KCTD16: variants seen among roughly 807,000 people sequenced by gnomAD.
The protein encoded by KCTD16 is BTB/POZ domain-containing protein KCTD16.
In KCTD16, 13 loss-of-function variants were observed where a neutral mutation model predicts 33.2. That is an observed-to-expected ratio of 0.39 (90% confidence interval 0.25 to 0.62). KCTD16 has a LOEUF of 0.62. KCTD16 is among the 20% of genes least tolerant of loss of function. The pLI, the probability that KCTD16 is intolerant of heterozygous loss-of-function variation, is 0.50. For synonymous variants in KCTD16, 197 were observed against 195.3 expected (o/e 1.01, Z -0.07); for missense variants, 441 against 525.1 (o/e 0.84, Z 1.57).
intron 3 of KCTD16, among the ~76,000 whole-genome samples, chr5:144,430,964 A>G (rs1753445411): frequency 2.0e-5 from 3 of 152,276 alleles, no homozygotes; most frequent in Non-Finnish European, 4.4e-5. Flanking sequence ...CCTAAATAAC[A>G]TAAATATTCC....
chr5:144,332,891 G>A (rs939372325), intron 3 of KCTD16, among the ~76,000 whole-genome samples: 1 of 152,192 alleles, frequency 6.6e-6, no homozygotes, highest in Non-Finnish European at 1.5e-5. Flanking sequence ...CATGGCGGAA[G>A]GCAAAGGAGG....
At chr5:144,258,774 T>G (rs1433810280) in intron 3 of KCTD16, among the ~76,000 whole-genome samples, 1 of 152,194 alleles carries the variant, frequency 6.6e-6, no homozygotes, top group Non-Finnish European at 1.5e-5. Context: ...TCTAATTTCT[T>G]TTGCACAGCT....
intron 2 of KCTD16, among the ~76,000 whole-genome samples, chr5:144,191,443 TAC>T (rs1348596691): frequency 6.6e-6 from 1 of 151,346 alleles, no homozygotes; most frequent in East Asian, 1.9e-4. Flanking sequence ...CCCCTCCATA[TAC>T]CCCCTGACAC....
intron 3 of KCTD16, among the ~76,000 whole-genome samples, chr5:144,324,083 T>C (rs571206317): frequency 1.9e-4 from 29 of 152,196 alleles, no homozygotes; most frequent in African/African-American, 7.0e-4. Context: ...CCAAATTCAA[T>C]CTCTTCCCAT....
At chr5:144,386,838 C>T (rs1435886885) in intron 3 of KCTD16, among the ~76,000 whole-genome samples, 1 of 152,186 alleles carries the variant, frequency 6.6e-6, no homozygotes, top group Non-Finnish European at 1.5e-5. Context: ...ACTCAGGCTC[C>T]ATCAGTCTGA....
At chr5:144,321,771 T>C (rs1752079526) in intron 3 of KCTD16, among the ~76,000 whole-genome samples, 1 of 152,176 alleles carries the variant, frequency 6.6e-6, no homozygotes. Flanking sequence ...CCATTATTAA[T>C]TTGTTTCACC....
At chr5:144,279,186 A>G (rs565137305) in intron 3 of KCTD16, among the ~76,000 whole-genome samples, 1 of 152,316 alleles carries the variant, frequency 6.6e-6, no homozygotes, top group South Asian at 2.1e-4. Context: ...CTTGTAGTTT[A>G]AGAGCTTTTC....
In KCTD16 at chr5:144,482,197, T is replaced by C. The variant is rs1754717042; in HGVS notation, c.*8083T>C. The C allele has an allele frequency of 6.6e-6, 1 of 151,990 alleles. No homozygotes were observed. The highest frequency in any genetic ancestry group is 2.4e-5 in the African/African-American group (1 of 41,416). The allele number at this position is 151,990 out of a possible 1,614,324, so 9.4% of individuals were successfully genotyped here. A position where few individuals can be genotyped will look rare whatever the true frequency, so the allele number is the denominator to read the frequency against. ...AACAAGGTGAGATCCCAGCCTGACA[T>C]CCTTCCTAAAAGTCATCAGTTTTTT... On this transcript the variant is annotated 3_prime_UTR_variant, in exon 4 of 4. Transcript: ENST00000512467.
chr5:144,197,396 A>G (rs1285192763), intron 2 of KCTD16, among the ~76,000 whole-genome samples: 3 of 152,338 alleles, frequency 2.0e-5, no homozygotes, highest in Non-Finnish European at 4.4e-5. Context: ...TTTCAGGAGT[A>G]AAGAAAATTA....
intron 3 of KCTD16, among the ~76,000 whole-genome samples, chr5:144,314,729 T>C (rs1751860762): frequency 6.6e-6 from 1 of 152,198 alleles, no homozygotes; most frequent in Non-Finnish European, 1.5e-5. Context: ...AAAGCTTTAT[T>C]ATTATACTTA....
At chr5:144,395,758 T>C (rs1752554865) in intron 3 of KCTD16, among the ~76,000 whole-genome samples, 1 of 152,140 alleles carries the variant, frequency 6.6e-6, no homozygotes, top group Non-Finnish European at 1.5e-5. Flanking sequence ...ATCTGGACCA[T>C]GGGAGGCCAT....
At chr5:144,428,729 C>G (rs1753391628) in intron 3 of KCTD16, among the ~76,000 whole-genome samples, 2 of 152,084 alleles carry the variant, frequency 1.3e-5, no homozygotes, top group African/African-American at 4.8e-5. Flanking sequence ...GTGGTGTCCT[C>G]CAGAGGGAGG....
At chr5:144,426,452 T>G (rs1753332001) in intron 3 of KCTD16, among the ~76,000 whole-genome samples, 1 of 152,166 alleles carries the variant, frequency 6.6e-6, no homozygotes, top group African/African-American at 2.4e-5. Context: ...ACAGGCTTTT[T>G]CTAGCCTGCT....
At chr5:144,399,831 A>G (rs984071764) in intron 3 of KCTD16, among the ~76,000 whole-genome samples, 4 of 152,198 alleles carry the variant, frequency 2.6e-5, no homozygotes, top group African/African-American at 9.6e-5. Context: ...GTGAGCAAAG[A>G]TCTAAGATTG....
At chr5:144,267,976 A>G (rs1052433763) in intron 3 of KCTD16, among the ~76,000 whole-genome samples, 3 of 152,162 alleles carry the variant, frequency 2.0e-5, no homozygotes, top group Non-Finnish European at 4.4e-5. Context: ...CCATCGCCCC[A>G]CCTAAACAGT....
At chr5:144,252,094 A>G (rs1412381065) in intron 3 of KCTD16, among the ~76,000 whole-genome samples, 1 of 152,180 alleles carries the variant, frequency 6.6e-6, no homozygotes, top group Non-Finnish European at 1.5e-5. Context: ...TAGTTATTAT[A>G]AAATATTTTA....
At chr5:144,463,365 T>A (rs527538405) in intron 3 of KCTD16, among the ~76,000 whole-genome samples, 14 of 152,358 alleles carry the variant, frequency 9.2e-5, no homozygotes, top group African/African-American at 3.1e-4. Flanking sequence ...GTGGTTAATA[T>A]TAAACATGCC....
At chr5:144,390,661 A>G (rs1752428510) in intron 3 of KCTD16, among the ~76,000 whole-genome samples, 1 of 151,932 alleles carries the variant, frequency 6.6e-6, no homozygotes, top group Admixed American at 6.6e-5. Flanking sequence ...ATTTGTCCTA[A>G]TGCTATCCCT....
At chr5:144,409,618 G>C (rs1752887235) in intron 3 of KCTD16, among the ~76,000 whole-genome samples, 1 of 152,030 alleles carries the variant, frequency 6.6e-6, no homozygotes, top group South Asian at 2.1e-4. Context: ...CAGCACTTTG[G>C]GAGGCCGAGG....
Sources: gnomAD v4.1 joint callset for allele counts (sites outside exome capture counted in the v4.1 genomes callset) on GRCh38, gnomAD v4.1.1 for gene constraint, MANE v1.5 for transcripts, NCBI Gene and HGNC (gene_info 2026-07-23, HGNC 2026-07-21) for gene names.